The following TULP4 variants were observed in gnomAD, a reference collection of about 807,000 sequenced individuals.
TULP4 encodes tubby-related protein 4.
TULP4 carries 16 observed loss-of-function variants against 129.0 expected under a neutral mutation model. The ratio of observed to expected loss-of-function variants is 0.12; its 90% CI spans 0.08 to 0.19. The LOEUF is 0.19. TULP4 is among the 10% of genes least tolerant of loss of function. TULP4 has a pLI of 1.00. For synonymous variants in TULP4, 998 were observed against 854.0 expected (o/e 1.17, Z -2.94); for missense variants, 1,842 against 2,059.1 (o/e 0.89, Z 2.04).
chr6:158,263,090 C>T (rs1238460242), intron 1 of TULP4, among the ~76,000 whole-genome samples: 1 of 152,206 alleles, frequency 6.6e-6, no homozygotes, highest in Non-Finnish European at 1.5e-5. Context: ...TTTAAATTAC[C>T]TGTGGTACTT....
upstream of TULP4, among the ~76,000 whole-genome samples, chr6:158,277,456 T>C (rs934378216): frequency 3.3e-5 from 5 of 152,216 alleles, no homozygotes; most frequent in African/African-American, 1.2e-4. Flanking sequence ...ACATTACTTC[T>C]CTAGAAATAT....
At chr6:158,445,398 AAAG>A (rs1779013305) in intron 3 of TULP4, among the ~76,000 whole-genome samples, 1 of 152,288 alleles carries the variant, frequency 6.6e-6, no homozygotes, top group Admixed American at 6.5e-5. Context: ...ATTGGTTTAT[AAAG>A]AAGAATGGAA....
intron 1 of TULP4, among the ~76,000 whole-genome samples, chr6:158,368,066 C>CAAA (rs3085241): frequency 0.34 from 22,196 of 64,608 alleles, 3,613 homozygotes; most frequent in African/African-American, 0.4. Context: ...ACCCTGTCTC[C>CAAA]AAAAAAAAAA....
intron 1 of TULP4, among the ~76,000 whole-genome samples, chr6:158,320,389 C>G (rs1373621885): frequency 1.3e-5 from 2 of 150,996 alleles, no homozygotes; most frequent in Admixed American, 1.3e-4. Flanking sequence ...AGATGTCGTG[C>G]AAATTAATCA....
chr6:158,274,065 C>G (rs1362463942), intron 1 of TULP4, among the ~76,000 whole-genome samples: 2 of 151,874 alleles, frequency 1.3e-5, no homozygotes, highest in Non-Finnish European at 2.9e-5. Flanking sequence ...CGAGACCAGC[C>G]TGGCCAACAT....
In TULP4 at chr6:158,503,464, C is replaced by T. The variant is rs913046713; in HGVS notation, c.3801C>T (p.Ser1267=). ...CCTTGCATCCATGGAGTTCCTACAG[C>T]GCCTGCCCGCCCATGCAGAACCCCC... The part of the protein sequence containing the change: ...PVALHPWSSY[S]ACPPMQNPQG... The change falls in exon 13 of 14, where the codon AGC becomes AGT. Residue 1267 remains serine (S), a synonymous_variant. Coordinates refer to ENST00000367097, the MANE Select transcript of TULP4 (RefSeq NM_020245.5). This position sits in a 1 kb window ranked among gnomAD's most constrained non-coding sequence, Gnocchi z 4.3. 19 of 1,613,872 alleles carry T rather than the reference C, an allele frequency of 1.2e-5. No individual in the cohort carries two copies. The highest frequency in any genetic ancestry group is 9.3e-5 in the African/African-American group (7 of 74,884).
chr6:158,352,308 A>G (rs779695366), intron 1 of TULP4, among the ~76,000 whole-genome samples: 2 of 152,232 alleles, frequency 1.3e-5, no homozygotes, highest in African/African-American at 4.8e-5. Flanking sequence ...ATTAAAGGAT[A>G]TAAAGTGGTT....
intron 3 of TULP4, among the ~76,000 whole-genome samples, chr6:158,444,117 G>A (rs1388071871): frequency 2.7e-5 from 4 of 150,478 alleles, no homozygotes; most frequent in African/African-American, 9.8e-5. Flanking sequence ...CTACTCGGGA[G>A]GCTGAGGCAG....
intron 6 of TULP4, among the ~76,000 whole-genome samples, chr6:158,469,917 G>C (rs145774879): frequency 5.8e-4 from 89 of 152,186 alleles, no homozygotes; most frequent in African/African-American, 2.1e-3. Flanking sequence ...GCTGCTTCCA[G>C]AATGGCGGCG....
chr6:158,461,836 T>G, intron 6 of TULP4, 107 bp downstream of exon 6: 5 of 1,319,134 alleles, frequency 3.8e-6, no homozygotes, highest in Non-Finnish European at 4.1e-6. Context: ...TACCTTAGGT[T>G]GTGGTGGGTA....
chr6:158,399,997 G>T (rs765337608), intron 1 of TULP4, among the ~76,000 whole-genome samples: 17 of 152,244 alleles, frequency 1.1e-4, no homozygotes, highest in Non-Finnish European at 2.1e-4. Flanking sequence ...AAGAGAAGGT[G>T]CTAGCTACCA....
At chr6:158,454,609 T>TC (rs1041239058) in intron 5 of TULP4, among the ~76,000 whole-genome samples, 3 of 90,886 alleles carry the variant, frequency 3.3e-5, no homozygotes, top group Admixed American at 1.0e-4. Context: ...CAGTTCTCTC[T>TC]TTTTTTTTTT....
At position 158,502,751 on chromosome 6, in the gene TULP4, C is replaced by G; in HGVS notation, c.3088C>G (p.Pro1030Ala). ...GGVVTQLPAR[P>A]PPALYTCSQC... ...GGTGGTGACACAGCTCCCAGCGCGG[C>G]CCCCACCTGCCCTGTACACCTGCAG... Residue 1030 changes from proline (P) to alanine (A), a missense_variant, in exon 13 of 14, where the codon CCC becomes GCC. Pro to Ala is a conservative substitution (Grantham distance 27, BLOSUM62 -1). Coordinates refer to ENST00000367097, the MANE Select transcript of TULP4 (RefSeq NM_020245.5). The G allele has an allele frequency of 6.3e-7, 1 of 1,589,128 alleles. No individual in the cohort carries two copies. The highest frequency in any genetic ancestry group is 8.5e-7 in the Non-Finnish European group (1 of 1,169,710).
At chr6:158,306,377 G>A (rs962054345) in intron 1 of TULP4, among the ~76,000 whole-genome samples, 2 of 152,148 alleles carry the variant, frequency 1.3e-5, no homozygotes, top group African/African-American at 2.4e-5. Context: ...GGCAACATTG[G>A]GAAACCCTGT....
At position 158,470,773 on chromosome 6, in the gene TULP4, C is replaced by T. The variant is rs534525306; in HGVS notation, c.1027-8978C>T. ...GGAAGTCACATGGTAAAAGATTTTT[C>T]GTTCATTCAGTCATCTTTATTGAGC... On this transcript the variant is annotated intron_variant, in intron 6 of 13. Coordinates refer to ENST00000367097, the MANE Select transcript of TULP4 (RefSeq NM_020245.5). Among the ~76,000 whole-genome samples the T allele has an allele frequency of 1.4e-4, 22 of 152,306 alleles. No homozygotes were observed. The South Asian group carries it at 2.3e-3, about 16-fold the overall frequency.
In TULP4 at chr6:158,415,589, T is replaced by C. The variant is rs531395303; in HGVS notation, c.381+2396T>C. ...GTTAGCCAGGATGGTCTCGATCTCC[T>C]GACCTCATGATCCACCCGCGTCAGC... is the stretch of plus-strand genomic sequence containing the variant. On this transcript the variant is annotated intron_variant, in intron 2 of 13. Transcript: ENST00000367097. Among the ~76,000 whole-genome samples, 80 of 150,890 alleles carry C rather than the reference T, an allele frequency of 5.3e-4. No individual in the cohort carries two copies. In the South Asian group the frequency reaches 0.017, roughly 32 times the overall value.
At chr6:158,308,639 C>T (rs1242141320), upstream of TULP4, among the ~76,000 whole-genome samples, 1 of 148,354 alleles carries the variant, frequency 6.7e-6, no homozygotes, top group Non-Finnish European at 1.5e-5. Context: ...GGCTGACCCC[C>T]CCACCTCCCT....
At chr6:158,443,975 T>A (rs977071172) in intron 3 of TULP4, among the ~76,000 whole-genome samples, 2 of 151,988 alleles carry the variant, frequency 1.3e-5, no homozygotes, top group Admixed American at 1.3e-4. Flanking sequence ...ATCCCAGCAC[T>A]TTGGGGGGCC....
intron 1 of TULP4, among the ~76,000 whole-genome samples, chr6:158,237,098 C>T (rs991110672): frequency 2.6e-5 from 4 of 151,842 alleles, no homozygotes; most frequent in Admixed American, 6.6e-5. Flanking sequence ...TGTGAGCCAC[C>T]GTGCCCGGCC....
Sources: allele counts gnomAD v4.1 joint callset (sites outside exome capture counted in the v4.1 genomes callset), GRCh38; gene constraint gnomAD v4.1.1; non-coding constraint Gnocchi (gnomAD v3.1); transcripts MANE v1.5; gene names NCBI Gene and HGNC (gene_info 2026-07-23, HGNC 2026-07-21).